The following NAV2 variants were observed in gnomAD, a reference collection of about 807,000 sequenced individuals.
NAV2 encodes helicase, APC down-regulated 1.
NAV2 carries 54 observed loss-of-function variants against 223.2 expected under a neutral mutation model. The ratio of observed to expected loss-of-function variants is 0.24; its 90% CI spans 0.19 to 0.30. The LOEUF is 0.30. Ranked by LOEUF, NAV2 falls within the 10% of genes least tolerant of loss-of-function variation. The pLI, the probability that NAV2 is intolerant of heterozygous loss-of-function variation, is 1.00. For missense variants in NAV2, 2,806 were observed against 3,147.5 expected, an observed-to-expected ratio of 0.89 and a Z score of 2.60; for synonymous variants, 1,279 against 1,239.3, an observed-to-expected ratio of 1.03 and a Z score of -0.67.
chr11:19,420,116 T>C (rs1361805704), intron 1 of NAV2, among the ~76,000 whole-genome samples: 1 of 152,238 alleles, frequency 6.6e-6, no homozygotes, highest in Non-Finnish European at 1.5e-5. Flanking sequence ...TTTTCCCATG[T>C]CACTGTCTTT....
At chr11:19,460,895 G>A (rs1852134154) in intron 1 of NAV2, among the ~76,000 whole-genome samples, 1 of 152,062 alleles carries the variant, frequency 6.6e-6, no homozygotes, top group South Asian at 2.1e-4. Flanking sequence ...CTGCTAGGTG[G>A]GGTCCTGTAC....
intron 1 of NAV2, among the ~76,000 whole-genome samples, chr11:19,422,243 C>T (rs976050102): frequency 2.6e-5 from 4 of 152,130 alleles, no homozygotes; most frequent in Non-Finnish European, 5.9e-5. Context: ...GGGCGGGGAG[C>T]GGGTGGAAAT....
intron 11 of NAV2, among the ~76,000 whole-genome samples, chr11:19,987,947 G>T (rs2050944781): frequency 6.6e-6 from 1 of 152,180 alleles, no homozygotes; most frequent in East Asian, 1.9e-4. Flanking sequence ...CTCCAAACTG[G>T]CAGACTGGGA....
At chr11:19,834,337 A>C (rs1348349) in intron 2 of NAV2, among the ~76,000 whole-genome samples, 1 of 151,990 alleles carries the variant, frequency 6.6e-6, no homozygotes, top group Non-Finnish European at 1.5e-5. Flanking sequence ...ACTAGTCTCC[A>C]TGGGAATTCT....
intron 3 of NAV2, among the ~76,000 whole-genome samples, chr11:19,855,542 G>A (rs899183236): frequency 3.9e-5 from 6 of 152,204 alleles, no homozygotes; most frequent in Non-Finnish European, 2.9e-5. Context: ...CAGTTACACA[G>A]AGTTGGATGT....
intron 1 of NAV2, among the ~76,000 whole-genome samples, chr11:19,378,681 C>G (rs531395564): frequency 6.1e-4 from 93 of 152,092 alleles, no homozygotes; most frequent in Non-Finnish European, 1.0e-3. Flanking sequence ...TTCGTGTCTG[C>G]CAGTGCTCTA....
intron 1 of NAV2, among the ~76,000 whole-genome samples, chr11:19,481,187 A>G (rs1165991619): frequency 6.6e-6 from 1 of 151,800 alleles, no homozygotes; most frequent in Non-Finnish European, 1.5e-5. Flanking sequence ...GAGAATCTCT[A>G]CCTCCTGGTA....
intron 22 of NAV2, 89 bp from the exon 23 acceptor site, chr11:20,077,463 C>T: frequency 1.0e-6 from 1 of 987,946 alleles, no homozygotes; most frequent in Non-Finnish European, 1.6e-6. Flanking sequence ...TCAATGGACC[C>T]ACAGGATTTT....
rs2063366179 is a variant in NAV2, at chr11:20,119,494, C to T, written c.*1236C>T. On this transcript the variant is annotated 3_prime_UTR_variant, in exon 38 of 38. Coordinates refer to ENST00000349880, the MANE Select transcript of NAV2 (RefSeq NM_145117.5). ...CTTCCGGTGGGGTGATGCGGTCACC[C>T]TGCAAAAGACTTGCACTTTCCTCAG... 1 of 152,648 alleles carries T rather than the reference C, an allele frequency of 6.6e-6. No homozygotes were observed. Among genetic ancestry groups the T allele is most frequent in the Admixed American group, 6.5e-5 (1 of 15,274 alleles). 9.5% of individuals were successfully genotyped at this position (152,648 alleles called of 1,614,324 possible).
chr11:19,350,661 G>C (rs927366051), upstream of NAV2: 7 of 444,002 alleles, frequency 1.6e-5, no homozygotes, highest in East Asian at 3.0e-4. Flanking sequence ...TCTTTGCCCA[G>C]ATTTGTCCTC....
At chr11:19,963,590 G>GA (rs1385259738) in intron 10 of NAV2, among the ~76,000 whole-genome samples, 25 of 152,292 alleles carry the variant, frequency 1.6e-4, no homozygotes, top group African/African-American at 4.8e-4. Flanking sequence ...TGTAGGAACT[G>GA]AAAAAAATAG....
intron 1 of NAV2, among the ~76,000 whole-genome samples, chr11:19,554,796 G>A (rs917221165): frequency 2.6e-5 from 4 of 151,932 alleles, no homozygotes; most frequent in Non-Finnish European, 4.4e-5. Context: ...GAGAAACCCC[G>A]TCTCTACTAA....
At chr11:19,567,099 C>A (rs530763649) in intron 1 of NAV2, among the ~76,000 whole-genome samples, 1 of 152,202 alleles carries the variant, frequency 6.6e-6, no homozygotes, top group Non-Finnish European at 1.5e-5. Flanking sequence ...TTTCTGTCTC[C>A]ACCATGTTCC....
intron 1 of NAV2, among the ~76,000 whole-genome samples, chr11:19,706,137 C>A (rs760348985): frequency 1.3e-5 from 2 of 152,156 alleles, no homozygotes; most frequent in Non-Finnish European, 2.9e-5. Context: ...ATTTACACAG[C>A]CTTCTCCCAC....
At chr11:19,431,736 C>A (rs1042381793) in intron 1 of NAV2, among the ~76,000 whole-genome samples, 7 of 152,176 alleles carry the variant, frequency 4.6e-5, no homozygotes, top group African/African-American at 1.7e-4. Flanking sequence ...GGACTGGGAC[C>A]TTCTGTAGAG....
intron 1 of NAV2, among the ~76,000 whole-genome samples, chr11:19,702,811 A>G (rs2049547216): frequency 1.4e-5 from 2 of 143,394 alleles, no homozygotes; most frequent in African/African-American, 5.1e-5. Context: ...AATAGTAATA[A>G]TAATAATAAT....
chr11:19,719,367 G>A (rs1031593072), intron 1 of NAV2, among the ~76,000 whole-genome samples: 1 of 152,200 alleles, frequency 6.6e-6, no homozygotes, highest in African/African-American at 2.4e-5. Flanking sequence ...TCACTTGGAG[G>A]CAGTTTTACG....
At chr11:20,048,604 G>T (rs2057692020) in intron 14 of NAV2, 124 bp from the exon 15 acceptor site, 2 of 787,306 alleles carry the variant, frequency 2.5e-6, no homozygotes, top group East Asian at 2.6e-5. Context: ...AGCCATTTCA[G>T]TAGGAATGGC....
intron 28 of NAV2, among the ~76,000 whole-genome samples, chr11:20,092,682 A>G (rs1379233121): frequency 1.3e-5 from 2 of 152,130 alleles, no homozygotes; most frequent in African/African-American, 2.4e-5. Context: ...CACAAACCCC[A>G]TAGTAGCAGG....
Sources: gnomAD v4.1 joint callset for allele counts (sites outside exome capture counted in the v4.1 genomes callset) on GRCh38, gnomAD v4.1.1 for gene constraint, MANE v1.5 for transcripts, NCBI Gene and HGNC (gene_info 2026-07-23, HGNC 2026-07-21) for gene names.